The following HSPG2 variants were observed in gnomAD, a reference collection of about 807,000 sequenced individuals.
The protein encoded by HSPG2 is basement membrane-specific heparan sulfate proteoglycan core protein.
Under a neutral mutation model 526.6 loss-of-function variants are expected in HSPG2, and 278 were observed. The ratio of observed to expected loss-of-function variants is 0.53; its 90% CI spans 0.48 to 0.58. The LOEUF (loss-of-function observed/expected upper bound fraction) is 0.58, where lower values mean the gene tolerates loss of function less well. HSPG2 is among the 20% of genes least tolerant of loss of function. The pLI is 0.00. For missense variants in HSPG2, 5,354 were observed against 6,099.5 expected (o/e 0.88, Z 4.07); for synonymous variants, 2,465 against 2,555.4 (o/e 0.96, Z 1.07).
In HSPG2 at chr1:21,937,222, C is replaced by T. The variant is rs1018342856; in HGVS notation, c.-5G>A. On this transcript the variant is annotated 5_prime_UTR_variant, in exon 1 of 97. Coordinates refer to ENST00000374695, the MANE Select transcript of HSPG2 (RefSeq NM_005529.7). ...GCCCGCCGCCCGCCACCCCATGGCC[C>T]GGCCCGCGCCGCTCTCTCGCTCGCT... 6 of 1,018,448 alleles carry T rather than the reference C, an allele frequency of 5.9e-6. No individual in the cohort carries two copies. In the African/African-American group the frequency reaches 8.8e-5, roughly 15 times the overall value. 63.1% of individuals were successfully genotyped at this position (1,018,448 alleles called of 1,614,324 possible).
At position 21,855,872 on chromosome 1, in the gene HSPG2, C is replaced by A. The variant is rs780010642; in HGVS notation, c.5616G>T (p.Pro1872=). 15 of 1,612,430 alleles carry A rather than the reference C, an allele frequency of 9.3e-6. No individual in the cohort carries two copies. The highest frequency in any genetic ancestry group is 1.3e-5 in the Non-Finnish European group (15 of 1,179,976). Residue 1872 remains proline (P), a synonymous_variant, in exon 45 of 97, where the codon CCG becomes CCT. Transcript: ENST00000374695. ...TLSAPVVSIH[P]PQLTVQPGQL... is the part of the protein sequence containing the mutation. ...GCCCGGGCTGCACTGTGAGCTGTGG[C>A]GGATGGATGGAGACCACGGGGGCGG...
At chr1:21,905,008 A>T (rs1643292301) in intron 1 of HSPG2, among the ~76,000 whole-genome samples, 1 of 152,108 alleles carries the variant, frequency 6.6e-6, no homozygotes, top group South Asian at 2.1e-4. Flanking sequence ...TGTTCCACAA[A>T]GTTATGTTGC....
rs201759348 is a variant in HSPG2, at chr1:21,842,116, C to T, written c.9079G>A (p.Asp3027Asn). 127 of 1,613,552 alleles carry T rather than the reference C, an allele frequency of 7.9e-5. No homozygotes were observed. The highest frequency in any genetic ancestry group is 1.3e-4 in the African/African-American group (10 of 74,930). The part of the protein sequence containing the change: ...YRLRSPVISI[D>N]PPSSTVQQGQ... ...TGCTGCACGGTGCTGCTGGGCGGGT[C>T]GATGGAGATGACCGGGCTCCTAAGG... The change falls in exon 69 of 97, where the codon GAC (aspartate) becomes AAC (asparagine). Residue 3027 changes from aspartate to asparagine, a missense_variant. By Grantham distance (23) the Asp-to-Asn change is conservative. Coordinates refer to ENST00000374695, the MANE Select transcript of HSPG2 (RefSeq NM_005529.7).
chr1:21,905,171 C>CACACACA (rs1557816019), intron 1 of HSPG2, among the ~76,000 whole-genome samples: 1,390 of 81,868 alleles, frequency 0.017, 22 homozygotes, highest in Non-Finnish European at 0.027. Context: ...CACCACCCAC[C>CACACACA]CACACACACA....
Position 21,881,342 on chromosome 1 carries a change from G to T in HSPG2, c.1815C>A (p.Asn605Lys), listed in dbSNP as rs774853031. 5 of 1,613,614 alleles carry T rather than the reference G, an allele frequency of 3.1e-6. No homozygotes were observed. The highest frequency in any genetic ancestry group is 4.2e-6 in the Non-Finnish European group (5 of 1,179,830). Residue 605 changes from asparagine to lysine, a missense_variant, in exon 14 of 97, where the codon AAC (asparagine) becomes AAA (lysine). Asn to Lys is a moderately conservative substitution (Grantham distance 94). Transcript: ENST00000374695. ...FWALPEQFLG[N>K]KVDSYGGSLR... ...GGTGGCAGCCCAGGCCCCTCACCTTGTTGCCCAGGAACTGTTCAGGCAGAG... is the reference window on the plus strand; with the variant it reads ...GGTGGCAGCCCAGGCCCCTCACCTTTTTGCCCAGGAACTGTTCAGGCAGAG...
intron 64 of HSPG2, among the ~76,000 whole-genome samples, 200 bp downstream of exon 64, chr1:21,845,908 C>T (rs1638393115): frequency 6.6e-6 from 1 of 152,192 alleles, no homozygotes; most frequent in Non-Finnish European, 1.5e-5. Context: ...GCTCGCAAGC[C>T]GTGGAGAGGG....
chr1:21,875,697 C>G lies in HSPG2; in HGVS notation c.3234G>C (p.Leu1078=), dbSNP rs1214111081. 1 of 1,604,750 alleles carries G rather than the reference C, an allele frequency of 6.2e-7. No homozygotes were observed. The highest frequency in any genetic ancestry group is 1.1e-5 in the South Asian group (1 of 91,092). ...DGQPATREHL[L]MALAGIDTLL... Reference sequence around the variant, plus strand: ...GGGTGTCGATGCCTGCCAGTGCCATCAGCAGGTGCTCCCGTGTGGCTGGCT... The same window carrying G: ...GGGTGTCGATGCCTGCCAGTGCCATGAGCAGGTGCTCCCGTGTGGCTGGCT... Residue 1078 remains leucine, a synonymous_variant, in exon 25 of 97, where the codon CTG becomes CTC. Transcript: ENST00000374695.
In HSPG2 at chr1:21,830,058, C is replaced by G. The variant is rs375127656; in HGVS notation, c.11705G>C (p.Arg3902Pro). Residue 3902 changes from arginine (R) to proline (P), a missense_variant, in exon 86 of 97, where the codon CGG becomes CCG. Coordinates refer to ENST00000374695, the MANE Select transcript of HSPG2 (RefSeq NM_005529.7). ...ACGPDATCVNRPDGRGYTCRC... is the reference protein window; with the variant it reads ...ACGPDATCVNPPDGRGYTCRC... ...GCAGGTGTAGCCTCGACCGTCAGGCCGGTTCACACAGGTGGCGTCGGGCCC... is the reference window on the plus strand; with the variant it reads ...GCAGGTGTAGCCTCGACCGTCAGGCGGGTTCACACAGGTGGCGTCGGGCCC... 3 of 1,604,398 alleles carry G rather than the reference C, an allele frequency of 1.9e-6. No individual in the cohort carries two copies. The highest frequency in any genetic ancestry group is 4.5e-5 in the East Asian group (2 of 44,504).
intron 69 of HSPG2, 24 bp from the exon 70 acceptor site, chr1:21,841,697 TGA>T: frequency 1.2e-6 from 2 of 1,613,244 alleles, no homozygotes. Context: ...TGGGGGAGGG[TGA>T]GAGAGGATTG....
chr1:21,920,810 G>A (rs1644016407), intron 1 of HSPG2, among the ~76,000 whole-genome samples: 7 of 152,128 alleles, frequency 4.6e-5, no homozygotes, highest in Admixed American at 3.3e-4. Context: ...CCAGCCCAGG[G>A]AGGAATCCAG....
At chr1:21,869,464 A>G in intron 33 of HSPG2, 1 of 986,504 alleles carries the variant, frequency 1.0e-6, no homozygotes, top group African/African-American at 1.7e-5. Flanking sequence ...CTTGGCACAT[A>G]CCTGAGAGCC....
chr1:21,885,238 A>G, intron 10 of HSPG2, 81 bp from the exon 11 acceptor site: 3 of 1,607,750 alleles, frequency 1.9e-6, no homozygotes, highest in Non-Finnish European at 2.6e-6. Context: ...GCTAGGAGGG[A>G]GAAGGGTGGA....
At chr1:21,843,243 G>A in intron 66 of HSPG2, 54 bp downstream of exon 66, 1 of 1,610,318 alleles carries the variant, frequency 6.2e-7, no homozygotes, top group Non-Finnish European at 8.5e-7. Context: ...AGCAGAGCTG[G>A]GAAGGAGCCC....
chr1:21,870,731 A>T, intron 33 of HSPG2: 2 of 655,696 alleles, frequency 3.1e-6, no homozygotes, highest in East Asian at 1.4e-4. Flanking sequence ...GCAGACCCCC[A>T]ATGCCTTGGG....
In HSPG2 at chr1:21,874,877, G is replaced by A. The variant is rs1348541084; in HGVS notation, c.3414+14C>T. On this transcript the variant is annotated intron_variant, in intron 26 of 96. Transcript: ENST00000374695. ...GAGGGGGCTGGCTGGGCTGGCGTGG[G>A]GCCCAGGACTCACCTGGCAGGACGG... is the stretch of plus-strand genomic sequence containing the variant. 6.3e-7 allele frequency: 1 copy of A among 1,598,608 alleles called. No homozygotes were observed. Among genetic ancestry groups the A allele is most frequent in the East Asian group, 2.2e-5 (1 of 44,608 alleles).
Position 21,898,376 on chromosome 1 carries a change from G to A in HSPG2, c.64-2066C>T, listed in dbSNP as rs927885106. ...GCCTCCTGTTCCTTCTCCTCTCCCT[G>A]CCCTCTCCCTGTCCTCCTGAGTGCT... On this transcript the variant is annotated intron_variant, in intron 1 of 96. Transcript: ENST00000374695. This position sits in a 1 kb window ranked among gnomAD's most constrained non-coding sequence, Gnocchi z 4.0. Among the ~76,000 whole-genome samples the A allele has an allele frequency of 6.6e-6, 1 of 152,172 alleles. No individual in the cohort carries two copies. Among genetic ancestry groups the A allele is most frequent in the Non-Finnish European group, 1.5e-5 (1 of 68,032 alleles).
Position 21,844,219 on chromosome 1 carries a change from C to A in HSPG2, c.8545G>T (p.Val2849Leu), listed in dbSNP as rs147114700. Residue 2849 changes from valine to leucine, a missense_variant, in exon 65 of 97, where the codon GTG (valine) becomes TTG (leucine). Coordinates refer to ENST00000374695, the MANE Select transcript of HSPG2 (RefSeq NM_005529.7). ...AEGQTLDLKC[V>L]VPGQAHAQVT... Reference sequence around the variant, plus strand: ...TGGGCGTGGGCCTGCCCGGGCACCACGCACTTCAGATCCAGGGTCTGCCCT... The same window carrying A: ...TGGGCGTGGGCCTGCCCGGGCACCAAGCACTTCAGATCCAGGGTCTGCCCT... 6,560 of 1,613,842 alleles carry A rather than the reference C, an allele frequency of 4.1e-3. 24 individuals are homozygous for A. Among genetic ancestry groups the A allele is most frequent in the Non-Finnish European group, 5.0e-3 (5,874 of 1,180,038 alleles).
intron 25 of HSPG2, 105 bp downstream of exon 25, chr1:21,875,524 G>A: frequency 1.2e-6 from 1 of 863,706 alleles, no homozygotes; most frequent in Non-Finnish European, 1.9e-6. Context: ...GGAAAGTGAG[G>A]CACAAAAGGG....
intron 91 of HSPG2, among the ~76,000 whole-genome samples, chr1:21,826,791 G>T (rs2097977113): frequency 6.6e-6 from 1 of 152,198 alleles, no homozygotes; most frequent in African/African-American, 2.4e-5. Context: ...TTACAGGCGT[G>T]AGCCAGTGTG....
Sources: gnomAD v4.1 joint callset for allele counts (sites outside exome capture counted in the v4.1 genomes callset) on GRCh38, gnomAD v4.1.1 for gene constraint, Gnocchi (gnomAD v3.1) non-coding constraint, MANE v1.5 for transcripts, NCBI Gene and HGNC (gene_info 2026-07-23, HGNC 2026-07-21) for gene names.